The following BMP6 variants were observed in gnomAD, a reference collection of about 807,000 sequenced individuals.
BMP6 encodes bone morphogenetic protein 6, also known as VG-1-R.
Under a neutral mutation model 54.1 loss-of-function variants are expected in BMP6, and 17 were observed. The ratio of observed to expected loss-of-function variants is 0.31; its 90% confidence interval spans 0.22 to 0.47. BMP6 has a LOEUF of 0.47. Among genes scored for constraint, BMP6 ranks in the 20% least tolerant of loss-of-function variants. The pLI is 1.00. For synonymous variants in BMP6, 328 were observed against 291.2 expected (o/e 1.13, Z -1.28); for missense variants, 720 against 690.4 (o/e 1.04, Z -0.48).
At chr6:7,743,363 C>T (rs887726579) in intron 1 of BMP6, among the ~76,000 whole-genome samples, 8 of 152,114 alleles carry the variant, frequency 5.3e-5, no homozygotes, top group Non-Finnish European at 1.2e-4. Flanking sequence ...TATCTGTGCC[C>T]TTTTTTTCCA....
intron 2 of BMP6, among the ~76,000 whole-genome samples, chr6:7,850,524 CTATTGCTT>C (rs1759126088): frequency 6.6e-6 from 1 of 152,196 alleles, no homozygotes. Context: ...CCAGACTGAA[CTATTGCTT>C]TAATTTTTGA....
intron 1 of BMP6, among the ~76,000 whole-genome samples, chr6:7,731,948 A>G (rs1392593789): frequency 6.6e-6 from 1 of 152,248 alleles, no homozygotes; most frequent in Non-Finnish European, 1.5e-5. Context: ...AAAAACTCAA[A>G]TTGTGTTCAG....
chr6:7,822,186 A>T (rs542646511), intron 1 of BMP6, among the ~76,000 whole-genome samples: 1 of 151,964 alleles, frequency 6.6e-6, no homozygotes, highest in Non-Finnish European at 1.5e-5. Flanking sequence ...ATGCCCAGCT[A>T]ATTTTGTATT....
Position 7,791,728 on chromosome 6 carries a change from C to T in BMP6, c.665-53412C>T, listed in dbSNP as rs115040990. ...CACTCTTTCTGTGTTCCCTCTCCAG[C>T]GAATGACGTTGCCATGTACTCAGCT... On this transcript the variant is annotated intron_variant, in intron 1 of 6. Coordinates refer to ENST00000283147, the MANE Select transcript of BMP6 (RefSeq NM_001718.6). Among the ~76,000 whole-genome samples, 1,428 of 152,264 alleles carry T rather than the reference C, an allele frequency of 9.4e-3. 19 individuals are homozygous for T. Among genetic ancestry groups the T allele is most frequent in the African/African-American group, 0.031 (1,291 of 41,544 alleles).
chr6:7,852,526 A>G (rs931724500), intron 2 of BMP6, among the ~76,000 whole-genome samples: 1 of 152,266 alleles, frequency 6.6e-6, no homozygotes, highest in African/African-American at 2.4e-5. Context: ...GCAGTGAGCT[A>G]TGATTGCACC....
chr6:7,752,256 C>A (rs1180284465), intron 1 of BMP6, among the ~76,000 whole-genome samples: 1 of 152,176 alleles, frequency 6.6e-6, no homozygotes, highest in South Asian at 2.1e-4. Flanking sequence ...TCCATTGAAA[C>A]GTTATTTATA....
intron 1 of BMP6, among the ~76,000 whole-genome samples, chr6:7,734,068 T>A (rs1761916551): frequency 1.3e-5 from 2 of 152,190 alleles, no homozygotes; most frequent in South Asian, 4.1e-4. Context: ...GATTTTGTTG[T>A]CTATACTTTT....
At chr6:7,728,071 G>A (rs1761779984) in intron 1 of BMP6, among the ~76,000 whole-genome samples, 1 of 151,656 alleles carries the variant, frequency 6.6e-6, no homozygotes, top group Non-Finnish European at 1.5e-5. Context: ...CTAACTTGGA[G>A]TGCAGTTTTC....
chr6:7,864,010 GAA>G (rs5874117), intron 4 of BMP6, among the ~76,000 whole-genome samples: 3,260 of 128,844 alleles, frequency 0.025, 45 homozygotes, highest in Middle Eastern at 0.044. Context: ...AGACTCCATC[GAA>G]AAAAAAAAAA....
Position 7,863,154 on chromosome 6 carries a change from A to C in BMP6, c.1204+656A>C, listed in dbSNP as rs529157324. Reference sequence around the variant, plus strand: ...GCTGGGACTACAAGTGCCTGCCACCACGCCTGGCTAATTTTTTGTATTTTT... The same window carrying C: ...GCTGGGACTACAAGTGCCTGCCACCCCGCCTGGCTAATTTTTTGTATTTTT... On this transcript the variant is annotated intron_variant, in intron 4 of 6. Transcript: ENST00000283147. Among the ~76,000 whole-genome samples, 14 of 152,172 alleles carry C rather than the reference A, an allele frequency of 9.2e-5. No individual in the cohort carries two copies. In the South Asian group the frequency reaches 2.9e-3, roughly 32 times the overall value.
At chr6:7,841,017 G>C (rs1362145594) in intron 1 of BMP6, among the ~76,000 whole-genome samples, 1 of 152,142 alleles carries the variant, frequency 6.6e-6, no homozygotes, top group Non-Finnish European at 1.5e-5. Context: ...AAGCTCCGAG[G>C]ACCTGGATTC....
At chr6:7,765,812 G>A (rs1757678181) in intron 1 of BMP6, among the ~76,000 whole-genome samples, 1 of 152,232 alleles carries the variant, frequency 6.6e-6, no homozygotes. Context: ...GGCTCTAGGG[G>A]AGAATCCATT....
chr6:7,727,548 C>T lies in BMP6; in HGVS notation c.593C>T (p.Ser198Phe). The T allele has an allele frequency of 6.3e-7, 1 of 1,594,530 alleles. No homozygotes were observed. The highest frequency in any genetic ancestry group is 8.5e-7 in the Non-Finnish European group (1 of 1,177,648). The change falls in exon 1 of 7, where the codon TCC becomes TTC. Residue 198 changes from serine to phenylalanine, a missense_variant. Coordinates refer to ENST00000283147, the MANE Select transcript of BMP6 (RefSeq NM_001718.6). ...LAPGSGSGGASPLTSAQDSAF... is the reference protein window; with the variant it reads ...LAPGSGSGGAFPLTSAQDSAF... ...CCCGGATCTGGCAGCGGCGGCGCGTCCCCACTGACCAGCGCGCAGGACAGC... is the reference window on the plus strand; with the variant it reads ...CCCGGATCTGGCAGCGGCGGCGCGTTCCCACTGACCAGCGCGCAGGACAGC...
At chr6:7,858,024 C>T (rs1036581236) in intron 2 of BMP6, among the ~76,000 whole-genome samples, 10 of 152,270 alleles carry the variant, frequency 6.6e-5, no homozygotes, top group African/African-American at 1.9e-4. Flanking sequence ...CCACCTCGGG[C>T]GCCTTCCTGC....
At chr6:7,732,880 T>C (rs1304851345) in intron 1 of BMP6, among the ~76,000 whole-genome samples, 1 of 148,660 alleles carries the variant, frequency 6.7e-6, no homozygotes, top group Non-Finnish European at 1.5e-5. Context: ...ATATCAAAAA[T>C]GAACTATTCT....
intron 1 of BMP6, among the ~76,000 whole-genome samples, chr6:7,842,501 AC>A (rs1758990574): frequency 6.6e-6 from 1 of 152,104 alleles, no homozygotes; most frequent in Non-Finnish European, 1.5e-5. Context: ...TTCTTAGATG[AC>A]AGCTGTCTTT....
At chr6:7,741,391 GC>G (rs1750367613) in intron 1 of BMP6, among the ~76,000 whole-genome samples, 1 of 152,134 alleles carries the variant, frequency 6.6e-6, no homozygotes, top group Non-Finnish European at 1.5e-5. Context: ...GAACTCCTGG[GC>G]TCAAGTGATC....
intron 1 of BMP6, among the ~76,000 whole-genome samples, chr6:7,842,917 T>C (rs946596809): frequency 8.5e-5 from 13 of 152,388 alleles, no homozygotes; most frequent in African/African-American, 2.9e-4. Flanking sequence ...AATATTATTT[T>C]CATTTAGTAA....
intron 1 of BMP6, among the ~76,000 whole-genome samples, chr6:7,748,605 C>A (rs559406987): frequency 2.6e-5 from 4 of 152,284 alleles, no homozygotes; most frequent in African/African-American, 7.2e-5. Context: ...CCCTTGGGGG[C>A]TATGCCAGTT....
Sources: allele counts gnomAD v4.1 joint callset (sites outside exome capture counted in the v4.1 genomes callset), GRCh38; gene constraint gnomAD v4.1.1; transcripts MANE v1.5; gene names NCBI Gene and HGNC (gene_info 2026-07-23, HGNC 2026-07-21).